Variants in SPG11 observed in about 807,000 individuals in gnomAD.
SPG11 encodes spatacsin.
Under a neutral mutation model 274.0 loss-of-function variants are expected in SPG11, and 222 were observed. That is an observed-to-expected ratio of 0.81 (90% CI 0.73 to 0.91). The LOEUF is 0.91. SPG11 is among the 40% of genes least tolerant of loss of function. The pLI, the probability that SPG11 is intolerant of heterozygous loss-of-function variation, is 0.00. For missense variants in SPG11, 3,114 were observed against 2,872.7 expected (o/e 1.08, Z -1.92); for synonymous variants, 1,144 against 1,039.7 (o/e 1.10, Z -1.93).
At chr15:44,613,376 A>G in intron 17 of SPG11, 54 bp downstream of exon 17, 2 of 1,151,880 alleles carry the variant, frequency 1.7e-6, no homozygotes, top group Non-Finnish European at 2.6e-6. Flanking sequence ...ACCATTCAAC[A>G]GACCAGTGAC....
rs2082843921 is a variant in SPG11, at chr15:44,589,334, A to G, written c.4824T>C (p.Leu1608=). Residue 1608 remains leucine, a synonymous_variant, in exon 28 of 40, where the codon CTT becomes CTC. Coordinates refer to ENST00000261866, the MANE Select transcript of SPG11 (RefSeq NM_025137.4). ...ACTGGGTCTTACACTGCTGTAGCAT[A>G]AGCTTCAAAAGGAAACACACCTGAT... The part of the protein sequence containing the change: ...LEDQVCFLLK[L]MLQQCKTQYE... 1.9e-6 allele frequency: 3 copies of G among 1,614,170 alleles called. No homozygotes were observed. The highest frequency in any genetic ancestry group is 2.5e-6 in the Non-Finnish European group (3 of 1,180,000).
intron 7 of SPG11, among the ~76,000 whole-genome samples, chr15:44,644,510 T>C (rs1160760453): frequency 2.0e-5 from 3 of 152,038 alleles, no homozygotes; most frequent in Admixed American, 6.6e-5. Context: ...GTGAGAACCA[T>C]AACAAGACAA....
rs1319751849 is a variant in SPG11 at position 44,659,283 on chromosome 15, T to C, written c.463A>G (p.Arg155Gly). ...GTGTTATTGTGAAATGACAGGATTC[T>C]CAAAGACAATAAGGAAATACCTACA... Reference protein sequence around the residue: ...QDISISLLSLRILSFHNNTSL... With the variant: ...QDISISLLSLGILSFHNNTSL... The change falls in exon 3 of 40, where the codon AGA becomes GGA. Residue 155 changes from arginine to glycine, a missense_variant. Coordinates refer to ENST00000261866, the MANE Select transcript of SPG11 (RefSeq NM_025137.4). 6.2e-7 allele frequency: 1 copy of C among 1,613,802 alleles called. No individual in the cohort carries two copies. The highest frequency in any genetic ancestry group is 8.5e-7 in the Non-Finnish European group (1 of 1,179,676).
intron 30 of SPG11, among the ~76,000 whole-genome samples, chr15:44,576,074 G>C (rs553042191): frequency 1.4e-5 from 2 of 146,056 alleles, no homozygotes; most frequent in Non-Finnish European, 3.0e-5. Flanking sequence ...CCCGGGAGGC[G>C]GAGGTTGCGG....
chr15:44,636,820 G>C (rs1002729015), intron 7 of SPG11, among the ~76,000 whole-genome samples: 4 of 151,078 alleles, frequency 2.6e-5, no homozygotes, highest in African/African-American at 9.7e-5. Flanking sequence ...CAGCTACTTG[G>C]GAGGCTGAGA....
chr15:44,608,615 A>T lies in SPG11; in HGVS notation c.3292-10T>A. The T allele has an allele frequency of 6.2e-7, 1 of 1,613,278 alleles. No individual in the cohort carries two copies. Among genetic ancestry groups the T allele is most frequent in the Non-Finnish European group, 8.5e-7 (1 of 1,179,680 alleles). ...CTTCATTCTGAACAACCTAAGTAAAAAAACAGATAACAGGTTGGACAGTAG... is the reference window on the plus strand; with the variant it reads ...CTTCATTCTGAACAACCTAAGTAAATAAACAGATAACAGGTTGGACAGTAG... On this transcript the variant is annotated splice_polypyrimidine_tract_variant and intron_variant, in intron 18 of 39. Transcript: ENST00000261866.
chr15:44,650,946 C>T (rs1447118897), intron 6 of SPG11, among the ~76,000 whole-genome samples: 1 of 152,130 alleles, frequency 6.6e-6, no homozygotes, highest in Non-Finnish European at 1.5e-5. Flanking sequence ...CAGGGTTTCA[C>T]CATATTGGTC....
chr15:44,598,490 G>A, intron 22 of SPG11, 117 bp from the exon 23 acceptor site: 1 of 1,250,794 alleles, frequency 8.0e-7, no homozygotes, highest in Non-Finnish European at 1.2e-6. Flanking sequence ...GCCCAAGAAA[G>A]TGAGACAAAG....
rs2082222462 is a variant in SPG11, at chr15:44,562,943, T to TTAAA, written c.*174_*177dup. Reference sequence around the variant, plus strand: ...AACAATCATCTAAAATCAATCTATTTTAAATAGGAATTTCCTCCTGAAAAG... The same window carrying TTAAA: ...AACAATCATCTAAAATCAATCTATTTTAAATAAATAGGAATTTCCTCCTGAAAAG... On this transcript the variant is annotated 3_prime_UTR_variant, in exon 40 of 40. Coordinates refer to ENST00000261866, the MANE Select transcript of SPG11 (RefSeq NM_025137.4). The TTAAA allele has an allele frequency of 3.3e-6, 2 of 606,636 alleles. No homozygotes were observed. Among genetic ancestry groups the TTAAA allele is most frequent in the African/African-American group, 3.7e-5 (2 of 53,968 alleles). The allele number at this position is 606,636 out of a possible 1,614,324, so 37.6% of individuals were successfully genotyped here.
intron 20 of SPG11, among the ~76,000 whole-genome samples, chr15:44,605,774 T>C (rs1359376334): frequency 6.6e-6 from 1 of 152,236 alleles, no homozygotes; most frequent in Non-Finnish European, 1.5e-5. Context: ...GAATAACTTT[T>C]TGAAAGGAAG....
At chr15:44,636,949 A>AC (rs2084288115) in intron 7 of SPG11, among the ~76,000 whole-genome samples, 2 of 130,156 alleles carry the variant, frequency 1.5e-5, no homozygotes, top group South Asian at 2.6e-4. Flanking sequence ...AAAAAAAAAA[A>AC]AAAAAAAACA....
Position 44,567,349 on chromosome 15 carries a change from CAAAAAAA to C in SPG11, c.6754+68_6754+74del, listed in dbSNP as rs397853802. The C allele has an allele frequency of 1.4e-4, 168 of 1,184,814 alleles. 1 individual carries two copies. The highest frequency in any genetic ancestry group is 1.8e-4 in the Non-Finnish European group (156 of 880,222). The allele number at this position is 1,184,814 out of a possible 1,614,324, so 73.4% of individuals were successfully genotyped here. A position where few individuals can be genotyped will look rare whatever the true frequency, so the allele number is the denominator to read the frequency against. On this transcript the variant is annotated intron_variant, in intron 36 of 39. Transcript: ENST00000261866. The stretch of plus-strand genomic sequence containing the variant: ...CTGGGGACAGAGCGAGACTCTGTCT[CAAAAAAA>C]AAAAAAAAAAAGGAATTTTACCTAG...
chr15:44,663,139 A>G (rs565862344), intron 1 of SPG11, among the ~76,000 whole-genome samples: 1 of 152,350 alleles, frequency 6.6e-6, no homozygotes, highest in South Asian at 2.1e-4. Context: ...GTGGCAATGG[A>G]GCTGGGTGCC....
At chr15:44,633,825 G>C (rs931955148) in intron 7 of SPG11, among the ~76,000 whole-genome samples, 188 bp from the exon 8 acceptor site, 1 of 151,888 alleles carries the variant, frequency 6.6e-6, no homozygotes, top group Non-Finnish European at 1.5e-5. Flanking sequence ...GCAAGACTCT[G>C]TAACCTTTCT....
intron 24 of SPG11, 103 bp downstream of exon 24, chr15:44,596,681 A>G: frequency 1.3e-6 from 1 of 772,928 alleles, no homozygotes; most frequent in Admixed American, 3.2e-5. Context: ...AAAAAAAAAA[A>G]AAAAAAAAAG....
intron 15 of SPG11, among the ~76,000 whole-genome samples, chr15:44,619,839 C>T (rs981200884): frequency 3.3e-5 from 5 of 151,740 alleles, no homozygotes; most frequent in African/African-American, 7.3e-5. Context: ...TCTCCTGCCT[C>T]AGCCTCCCAA....
chr15:44,627,413 A>G (rs1567173584), intron 10 of SPG11, among the ~76,000 whole-genome samples: 1 of 152,160 alleles, frequency 6.6e-6, no homozygotes, highest in Non-Finnish European at 1.5e-5. Context: ...GACAGGGTCT[A>G]CAATTTTTAC....
chr15:44,607,053 T>C (rs912243721), intron 19 of SPG11, among the ~76,000 whole-genome samples: 6 of 152,192 alleles, frequency 3.9e-5, no homozygotes, highest in African/African-American at 1.4e-4. Flanking sequence ...GACACTTCTG[T>C]CAGTATAAAT....
chr15:44,597,026 G>A (rs2083061729), intron 23 of SPG11, 83 bp from the exon 24 acceptor site: 3 of 1,304,762 alleles, frequency 2.3e-6, no homozygotes, highest in South Asian at 1.3e-5. Flanking sequence ...ACTGGAAAAT[G>A]AGTAAAAATG....
Sources: gnomAD v4.1 joint callset for allele counts (sites outside exome capture counted in the v4.1 genomes callset) on GRCh38, gnomAD v4.1.1 for gene constraint, MANE v1.5 for transcripts, NCBI Gene and HGNC (gene_info 2026-07-23, HGNC 2026-07-21) for gene names.